Variants in ADAMTS18 observed in about 807,000 individuals in gnomAD.
ADAMTS18 encodes A disintegrin and metalloproteinase with thrombospondin motifs 18.
A neutral mutation model predicts 165.9 loss-of-function variants in ADAMTS18; 157 were observed. That is an observed-to-expected ratio of 0.95 (90% CI 0.83 to 1.08). ADAMTS18 has a LOEUF of 1.08. Ranked by LOEUF, ADAMTS18 falls within the 50% of genes least tolerant of loss-of-function variation. The pLI is 0.00. For synonymous variants in ADAMTS18, 782 were observed against 578.2 expected (o/e 1.35, Z -5.06); for missense variants, 2,040 against 1,534.0 (o/e 1.33, Z -5.51).
At chr16:77,301,375 C>G (rs2055579706) in intron 16 of ADAMTS18, among the ~76,000 whole-genome samples, 1 of 152,082 alleles carries the variant, frequency 6.6e-6, no homozygotes, top group African/African-American at 2.4e-5. Flanking sequence ...TGTGCCTACA[C>G]AATGCAATGT....
chr16:77,366,969 C>T (rs546308200), intron 4 of ADAMTS18, among the ~76,000 whole-genome samples: 7 of 151,964 alleles, frequency 4.6e-5, no homozygotes, highest in Admixed American at 3.3e-4. Flanking sequence ...TATTGGACAT[C>T]GCTGGTCTGG....
At chr16:77,332,625 G>C (rs1597133081) in intron 12 of ADAMTS18, among the ~76,000 whole-genome samples, 1 of 152,312 alleles carries the variant, frequency 6.6e-6, no homozygotes, top group South Asian at 2.1e-4. Context: ...TCTGGGCTCT[G>C]TCTACATCAT....
chr16:77,337,903 C>CTTT (rs1468185519), intron 11 of ADAMTS18, among the ~76,000 whole-genome samples: 1 of 120,924 alleles, frequency 8.3e-6, no homozygotes, highest in African/African-American at 2.8e-5. Flanking sequence ...CTTTTCTTTT[C>CTTT]TTTTCTTTTT....
chr16:77,314,832 T>C (rs1424964128), intron 16 of ADAMTS18, among the ~76,000 whole-genome samples: 2 of 125,664 alleles, frequency 1.6e-5, no homozygotes, highest in African/African-American at 6.1e-5. Flanking sequence ...GCAATAGTAA[T>C]TAACATTATG....
At position 77,362,121 on chromosome 16, in the gene ADAMTS18, T is replaced by C; in HGVS notation, c.1200A>G (p.Glu400=). 1 of 1,614,092 alleles carries C rather than the reference T, an allele frequency of 6.2e-7. No individual in the cohort carries two copies. The highest frequency in any genetic ancestry group is 8.5e-7 in the Non-Finnish European group (1 of 1,180,004). Residue 400 remains glutamate, a synonymous_variant, in exon 7 of 23, where the codon GAA becomes GAG. Coordinates refer to ENST00000282849, the MANE Select transcript of ADAMTS18 (RefSeq NM_199355.4). ...ATACCATACCTAGAGTGTCACATGGTTCATTCTTCCAAGAACAAATATCAA... is the reference window on the plus strand; with the variant it reads ...ATACCATACCTAGAGTGTCACATGGCTCATTCTTCCAAGAACAAATATCAA... ...TGFDICSWKN[E]PCDTLGFAPI...
At chr16:77,334,756 T>TAGTATATATACTGTATACTAC (rs1567491949) in intron 12 of ADAMTS18, among the ~76,000 whole-genome samples, 7 of 108,322 alleles carry the variant, frequency 6.5e-5, no homozygotes, top group Admixed American at 1.2e-4. Context: ...CTGTATACTA[T>TAGTATATATACTGTATACTAC]AGTATACAGT....
intron 3 of ADAMTS18, among the ~76,000 whole-genome samples, chr16:77,383,811 G>T (rs939073823): frequency 4.6e-5 from 7 of 152,074 alleles, no homozygotes; most frequent in Non-Finnish European, 8.8e-5. Context: ...AAAGCGCTGG[G>T]ATTATAGACC....
intron 3 of ADAMTS18, among the ~76,000 whole-genome samples, chr16:77,414,091 G>A (rs2057499487): frequency 6.6e-6 from 1 of 152,202 alleles, no homozygotes; most frequent in African/African-American, 2.4e-5. Flanking sequence ...CAGAGAAACA[G>A]AACCAACGTA....
At chr16:77,403,934 G>C (rs1433569085) in intron 3 of ADAMTS18, among the ~76,000 whole-genome samples, 1 of 152,162 alleles carries the variant, frequency 6.6e-6, no homozygotes. Flanking sequence ...GCTTTCCTAA[G>C]AGTGTGACCT....
At chr16:77,301,600 C>A (rs1015620305) in intron 16 of ADAMTS18, among the ~76,000 whole-genome samples, 1 of 152,222 alleles carries the variant, frequency 6.6e-6, no homozygotes, top group Non-Finnish European at 1.5e-5. Flanking sequence ...AAAATAGGAA[C>A]CCCTGGCTCT....
chr16:77,326,160 G>C, intron 12 of ADAMTS18, 122 bp from the exon 13 acceptor site: 8 of 921,550 alleles, frequency 8.7e-6, no homozygotes, highest in Non-Finnish European at 1.4e-5. Context: ...AAGGCATACA[G>C]TCTATTACAG....
chr16:77,308,053 C>T (rs1425802662), intron 16 of ADAMTS18, among the ~76,000 whole-genome samples: 1 of 152,158 alleles, frequency 6.6e-6, no homozygotes, highest in Non-Finnish European at 1.5e-5. Context: ...CTATTTCTCA[C>T]TTACTATCAT....
intron 3 of ADAMTS18, among the ~76,000 whole-genome samples, chr16:77,386,057 G>T (rs1211305365): frequency 6.6e-6 from 1 of 152,172 alleles, no homozygotes; most frequent in Non-Finnish European, 1.5e-5. Flanking sequence ...ATTGGACTTG[G>T]TAACTTAGTG....
At chr16:77,300,451 C>T (rs1033530335) in intron 16 of ADAMTS18, 47 bp from the exon 17 acceptor site, 9 of 1,603,642 alleles carry the variant, frequency 5.6e-6, no homozygotes, top group African/African-American at 2.7e-5. Flanking sequence ...CAGGTCAGAC[C>T]CTGGAATTCC....
At chr16:77,355,888 A>G in intron 9 of ADAMTS18, 52 bp downstream of exon 9, 3 of 1,611,960 alleles carry the variant, frequency 1.9e-6, no homozygotes, top group Non-Finnish European at 2.5e-6. Context: ...ATGGAGCACA[A>G]TTCTGTCATC....
In ADAMTS18 at chr16:77,290,586, C is replaced by T. The variant is rs531722221; in HGVS notation, c.3402+680G>A. 136 of 155,288 alleles carry T rather than the reference C, an allele frequency of 8.8e-4. No homozygotes were observed. The Middle Eastern group carries it at 0.014, about 15-fold the overall frequency. 9.6% of individuals were successfully genotyped at this position (155,288 alleles called of 1,614,324 possible). ...ACATATTGATACCTCTACCCGGACT[C>T]TGTGATTAATGGTGAGGTGGGGAGC... On this transcript the variant is annotated intron_variant, in intron 21 of 22. Transcript: ENST00000282849.
chr16:77,290,718 T>C (rs779501816), intron 21 of ADAMTS18: 13 of 164,106 alleles, frequency 7.9e-5, no homozygotes, highest in Non-Finnish European at 1.5e-4. Flanking sequence ...CCAAGTCTTC[T>C]GAAAAGAAGG....
At chr16:77,388,532 T>C (rs1308024797) in intron 3 of ADAMTS18, among the ~76,000 whole-genome samples, 1 of 152,198 alleles carries the variant, frequency 6.6e-6, no homozygotes, top group Non-Finnish European at 1.5e-5. Flanking sequence ...TTGTAAGGCG[T>C]GTGAACTTGG....
intron 3 of ADAMTS18, among the ~76,000 whole-genome samples, chr16:77,395,886 C>A (rs916606679): frequency 1.3e-5 from 2 of 152,022 alleles, no homozygotes; most frequent in African/African-American, 4.8e-5. Context: ...ATTATTAATA[C>A]CACTGCTACT....
Sources: gnomAD v4.1 joint callset for allele counts (sites outside exome capture counted in the v4.1 genomes callset) on GRCh38, gnomAD v4.1.1 for gene constraint, MANE v1.5 for transcripts, NCBI Gene and HGNC (gene_info 2026-07-23, HGNC 2026-07-21) for gene names.